MYLK: variants seen among roughly 807,000 people sequenced by gnomAD.
The protein encoded by MYLK is myosin light chain kinase, also known as myosin light chain kinase, smooth muscle.
Under a neutral mutation model 203.4 loss-of-function variants are expected in MYLK, and 106 were observed. That is an observed-to-expected ratio of 0.52 (90% CI 0.45 to 0.61). The LOEUF (loss-of-function observed/expected upper bound fraction) is 0.61, where lower values mean the gene tolerates loss of function less well. MYLK is among the 20% of genes least tolerant of loss of function. The pLI is 0.00. For missense variants in MYLK, 2,072 were observed against 2,442.3 expected (o/e 0.85, Z 3.20); for synonymous variants, 867 against 959.5 (o/e 0.90, Z 1.78).
At position 123,706,423 on chromosome 3, in the gene MYLK, T is replaced by C. The variant is rs147460551; in HGVS notation, c.2390+1331A>G. 1.5e-3 allele frequency among the ~76,000 whole-genome samples: 228 copies of C among 152,162 alleles called. 1 individual carries two copies. Among genetic ancestry groups the C allele is most frequent in the African/African-American group, 5.4e-3 (225 of 41,516 alleles). Reference sequence around the variant, plus strand: ...ACATGATGGGCTCAGCATGGGGAGATGATAAAGTACAGGCGAGAAAGCCCC... The same window carrying C: ...ACATGATGGGCTCAGCATGGGGAGACGATAAAGTACAGGCGAGAAAGCCCC... On this transcript the variant is annotated intron_variant, in intron 16 of 33. Coordinates refer to ENST00000360304, the MANE Select transcript of MYLK (RefSeq NM_053025.4).
chr3:123,647,222 A>C lies in MYLK; in HGVS notation c.4619+2T>G, dbSNP rs1553780501. On this transcript the variant is annotated splice_donor_variant, in intron 27 of 33. Transcript: ENST00000360304. LOFTEE classifies it high-confidence loss of function. ...CCACGCTGCTGGCAGTGGGCCACTC[A>C]CATCTCCAGGACCATGACGATGTTG... 1 of 1,613,924 alleles carries C rather than the reference A, an allele frequency of 6.2e-7. No homozygotes were observed. Among genetic ancestry groups the C allele is most frequent in the Non-Finnish European group, 8.5e-7 (1 of 1,180,010 alleles).
At chr3:123,785,292 C>T (rs1384492802) in intron 4 of MYLK, among the ~76,000 whole-genome samples, 1 of 152,224 alleles carries the variant, frequency 6.6e-6, no homozygotes, top group Admixed American at 6.5e-5. Flanking sequence ...TCTGTTCAGT[C>T]CACCATTTTG....
At chr3:123,851,575 G>A (rs2030807984) in intron 2 of MYLK, among the ~76,000 whole-genome samples, 1 of 152,188 alleles carries the variant, frequency 6.6e-6, no homozygotes, top group African/African-American at 2.4e-5. Context: ...GAATGCTTGT[G>A]ATTTTTGCAC....
intron 4 of MYLK, among the ~76,000 whole-genome samples, chr3:123,774,315 G>T (rs1266807857): frequency 6.6e-6 from 1 of 152,056 alleles, no homozygotes; most frequent in Non-Finnish European, 1.5e-5. Flanking sequence ...CTTTTGCAGG[G>T]TCAGTGGAGA....
At chr3:123,658,859 C>T (rs565881882) in intron 23 of MYLK, among the ~76,000 whole-genome samples, 6 of 152,216 alleles carry the variant, frequency 3.9e-5, no homozygotes, top group Admixed American at 2.6e-4. Context: ...ATTCTTGTCC[C>T]CTCTCCCAGC....
rs114912475 is a variant in MYLK, at chr3:123,647,162, G to A, written c.4619+62C>T. ...GGGCAGAGGTGGCTGGGGTAGGGCA[G>A]TAGGGGAGACACGTTTGGGGGCTCC... On this transcript the variant is annotated intron_variant, in intron 27 of 33. Transcript: ENST00000360304. The A allele has an allele frequency of 1.0e-3, 1,506 of 1,491,900 alleles. 13 individuals are homozygous for A. In the African/African-American group the frequency reaches 0.019, roughly 19 times the overall value. 92.4% of individuals were successfully genotyped at this position (1,491,900 alleles called of 1,614,324 possible).
chr3:123,806,797 G>C (rs979973908), intron 3 of MYLK, among the ~76,000 whole-genome samples: 24 of 152,064 alleles, frequency 1.6e-4, no homozygotes, highest in African/African-American at 5.3e-4. Flanking sequence ...TGAGTAGCTG[G>C]GATTACAGGT....
rs1013186531 is a variant in MYLK, at chr3:123,868,721, A to C, written c.-127+7838T>G. Among the ~76,000 whole-genome samples, 3 of 152,226 alleles carry C rather than the reference A, an allele frequency of 2.0e-5. No homozygotes were observed. In the South Asian group the frequency reaches 6.2e-4, roughly 32 times the overall value. On this transcript the variant is annotated intron_variant, in intron 2 of 33. Coordinates refer to ENST00000360304, the MANE Select transcript of MYLK (RefSeq NM_053025.4). Reference sequence around the variant, plus strand: ...CAACTACAAAGTGGGAACAAGAACAATATCATAAGATTGACAAAGATTAAA... The same window carrying C: ...CAACTACAAAGTGGGAACAAGAACACTATCATAAGATTGACAAAGATTAAA...
intron 3 of MYLK, among the ~76,000 whole-genome samples, chr3:123,802,085 C>A (rs1256295699): frequency 2.0e-5 from 3 of 152,168 alleles, no homozygotes; most frequent in Non-Finnish European, 4.4e-5. Flanking sequence ...CACAGCCTTG[C>A]CAACATTTGT....
At chr3:123,750,626 G>A (rs1400077651) in intron 5 of MYLK, among the ~76,000 whole-genome samples, 1 of 152,216 alleles carries the variant, frequency 6.6e-6, no homozygotes. Flanking sequence ...CAGAGGTTTA[G>A]AGTCACACAT....
chr3:123,800,283 ACT>A (rs2065150058), intron 3 of MYLK: 1 of 151,564 alleles, frequency 6.6e-6, no homozygotes, highest in African/African-American at 2.4e-5. Context: ...GGGGCTGGGC[ACT>A]CTCCCAATTC....
intron 2 of MYLK, among the ~76,000 whole-genome samples, chr3:123,864,940 C>G (rs931857572): frequency 2.0e-5 from 3 of 152,156 alleles, no homozygotes; most frequent in African/African-American, 4.8e-5. Flanking sequence ...TCACCTCTCA[C>G]ATGGGCCCAA....
chr3:123,800,702 C>T (rs2065166213), intron 3 of MYLK, among the ~76,000 whole-genome samples: 1 of 152,210 alleles, frequency 6.6e-6, no homozygotes, highest in African/African-American at 2.4e-5. Context: ...ATGCAACTCA[C>T]ACCTTGGGGC....
intron 18 of MYLK, among the ~76,000 whole-genome samples, chr3:123,696,171 G>A (rs887203088): frequency 6.6e-6 from 1 of 152,168 alleles, no homozygotes; most frequent in African/African-American, 2.4e-5. Flanking sequence ...TGTGGGCTAT[G>A]AGCCCTATCT....
chr3:123,662,811 G>T (rs2059607323), intron 23 of MYLK, among the ~76,000 whole-genome samples: 1 of 152,168 alleles, frequency 6.6e-6, no homozygotes, highest in East Asian at 1.9e-4. Context: ...TGCATAAAAG[G>T]GGTCTAGTGG....
chr3:123,645,616 C>T (rs1271603107), intron 27 of MYLK, among the ~76,000 whole-genome samples: 1 of 152,226 alleles, frequency 6.6e-6, no homozygotes, highest in Non-Finnish European at 1.5e-5. Context: ...CTCTCCTTCA[C>T]TTCTGGGAGT....
chr3:123,637,600 T>C (rs2058686547), intron 29 of MYLK, among the ~76,000 whole-genome samples: 1 of 152,226 alleles, frequency 6.6e-6, no homozygotes, highest in African/African-American at 2.4e-5. Context: ...TTCATCCATA[T>C]ACTAGACTCA....
intron 4 of MYLK, among the ~76,000 whole-genome samples, chr3:123,789,570 A>G (rs981135420): frequency 8.0e-5 from 12 of 149,396 alleles, no homozygotes; most frequent in Admixed American, 2.7e-4. Context: ...GGGAAGAGGG[A>G]TCTGGTTGCC....
In MYLK at chr3:123,752,325, A is replaced by T. The variant is rs2063220564; in HGVS notation, c.373+6T>A. On this transcript the variant is annotated splice_donor_region_variant and intron_variant, in intron 5 of 33. Transcript: ENST00000360304. Reference sequence around the variant, plus strand: ...CCCTCCTGGACTCGGGCCTCCTGGGACTCACCTTCTACTGTCAACTCCACT... The same window carrying T: ...CCCTCCTGGACTCGGGCCTCCTGGGTCTCACCTTCTACTGTCAACTCCACT... 9.3e-6 allele frequency: 15 copies of T among 1,613,496 alleles called. No individual in the cohort carries two copies. Among genetic ancestry groups the T allele is most frequent in the Non-Finnish European group, 1.3e-5 (15 of 1,179,968 alleles).
Sources: allele counts gnomAD v4.1 joint callset (sites outside exome capture counted in the v4.1 genomes callset), GRCh38; gene constraint gnomAD v4.1.1; transcripts MANE v1.5; gene names NCBI Gene and HGNC (gene_info 2026-07-23, HGNC 2026-07-21).